KDM4B: variants seen among roughly 807,000 people sequenced by gnomAD.
KDM4B encodes the protein lysine demethylase 4B.
KDM4B carries 32 observed loss-of-function variants against 125.2 expected under a neutral mutation model. That is an observed-to-expected ratio of 0.26 (90% confidence interval 0.19 to 0.34). The LOEUF (loss-of-function observed/expected upper bound fraction) is 0.34. KDM4B is among the 10% of genes least tolerant of loss of function. The pLI is 1.00. For missense variants in KDM4B, 1,190 were observed against 1,577.7 expected (o/e 0.75, Z 4.16); for synonymous variants, 721 against 677.9 (o/e 1.06, Z -0.99).
intron 1 of KDM4B, among the ~76,000 whole-genome samples, chr19:4,999,099 T>A (rs2035290357): frequency 6.6e-6 from 1 of 152,188 alleles, no homozygotes; most frequent in African/African-American, 2.4e-5. Flanking sequence ...TCAGCAGACA[T>A]TGATTCTTGC....
At chr19:5,055,474 T>C (rs2037366826) in intron 6 of KDM4B, among the ~76,000 whole-genome samples, 2 of 152,254 alleles carry the variant, frequency 1.3e-5, no homozygotes, top group South Asian at 4.1e-4. Flanking sequence ...GGATGGTCGA[T>C]TGCCCTGTGT....
chr19:5,085,762 G>A (rs371080349), intron 9 of KDM4B, among the ~76,000 whole-genome samples: 1 of 152,228 alleles, frequency 6.6e-6, no homozygotes, highest in African/African-American at 2.4e-5. Flanking sequence ...AGTGTCATTA[G>A]CCACAAGGCC....
chr19:5,065,193 A>G (rs955666959), intron 6 of KDM4B, among the ~76,000 whole-genome samples: 3 of 152,176 alleles, frequency 2.0e-5, no homozygotes, highest in Admixed American at 6.5e-5. Context: ...CCACGCTTTC[A>G]TGGAGCCACA....
intron 22 of KDM4B, among the ~76,000 whole-genome samples, chr19:5,150,683 G>T (rs943065688): frequency 6.6e-6 from 1 of 152,160 alleles, no homozygotes; most frequent in African/African-American, 2.4e-5. Flanking sequence ...GTTAATGTGG[G>T]GAGGGAGGGT....
chr19:5,134,463 C>T (rs907219499), intron 14 of KDM4B, among the ~76,000 whole-genome samples: 1 of 152,156 alleles, frequency 6.6e-6, no homozygotes, highest in Non-Finnish European at 1.5e-5. Context: ...GAGCTGGGCA[C>T]CTGGCTAAGG....
intron 9 of KDM4B, among the ~76,000 whole-genome samples, chr19:5,110,212 T>A (rs377635076): frequency 6.6e-6 from 1 of 152,232 alleles, no homozygotes; most frequent in East Asian, 1.9e-4. Flanking sequence ...GGTGCACACC[T>A]GTAATCCCAG....
chr19:5,130,942 C>A, intron 11 of KDM4B, 134 bp from the exon 12 acceptor site: 2 of 658,782 alleles, frequency 3.0e-6, no homozygotes, highest in Non-Finnish European at 5.0e-6. Context: ...CTCTGCCCAC[C>A]CATGTTCGTG....
Position 5,138,083 on chromosome 19 carries a change from G to T in KDM4B, c.2550+13G>T. 6.2e-7 allele frequency: 1 copy of T among 1,600,858 alleles called. No homozygotes were observed. The highest frequency in any genetic ancestry group is 1.3e-5 in the African/African-American group (1 of 74,828). ...GCGGTGGAAGCTGGTAGGTCCTTGC[G>T]GTCGAGGCCCACCCTGCCCGTGCCT... On this transcript the variant is annotated intron_variant, in intron 18 of 22. Transcript: ENST00000159111.
At chr19:5,096,011 G>T (rs1415746249) in intron 9 of KDM4B, among the ~76,000 whole-genome samples, 3 of 152,214 alleles carry the variant, frequency 2.0e-5, no homozygotes, top group African/African-American at 7.2e-5. Flanking sequence ...CTTGTTTTAG[G>T]AGGAGGTCCT....
chr19:5,090,420 CT>C (rs2038662327), intron 9 of KDM4B, among the ~76,000 whole-genome samples: 1 of 84,178 alleles, frequency 1.2e-5, no homozygotes, highest in African/African-American at 5.1e-5. Context: ...CCCTCTCCCC[CT>C]CTGTCTCTCT....
intron 9 of KDM4B, among the ~76,000 whole-genome samples, chr19:5,091,947 T>G (rs1364999242): frequency 6.6e-6 from 1 of 152,230 alleles, no homozygotes; most frequent in African/African-American, 2.4e-5. Flanking sequence ...TCCCTTGCTC[T>G]TCCCAGATCT....
chr19:5,033,409 T>C (rs2036520761), intron 3 of KDM4B, among the ~76,000 whole-genome samples: 1 of 151,916 alleles, frequency 6.6e-6, no homozygotes, highest in Non-Finnish European at 1.5e-5. Context: ...GGCCTTACTT[T>C]CCTAGTAAAA....
At chr19:5,102,575 G>T (rs2038957538) in intron 9 of KDM4B, among the ~76,000 whole-genome samples, 1 of 152,184 alleles carries the variant, frequency 6.6e-6, no homozygotes, top group Non-Finnish European at 1.5e-5. Flanking sequence ...ATGGGGCCGG[G>T]GCCGGGGTGG....
At chr19:5,106,514 G>A (rs954937108) in intron 9 of KDM4B, among the ~76,000 whole-genome samples, 7 of 152,124 alleles carry the variant, frequency 4.6e-5, no homozygotes, top group African/African-American at 1.4e-4. Flanking sequence ...TGATGCTGAC[G>A]CACCCTCCTC....
intron 2 of KDM4B, among the ~76,000 whole-genome samples, chr19:5,030,951 C>G (rs1472123703): frequency 6.6e-6 from 1 of 152,260 alleles, no homozygotes; most frequent in Non-Finnish European, 1.5e-5. Flanking sequence ...TGACCGCGTT[C>G]TGCCACCCAG....
chr19:5,097,386 G>A (rs1352680356), intron 9 of KDM4B, among the ~76,000 whole-genome samples: 1 of 152,160 alleles, frequency 6.6e-6, no homozygotes, highest in Non-Finnish European at 1.5e-5. Context: ...GGGTAGCTGG[G>A]ACTACAGGTA....
At chr19:5,061,447 C>A (rs537565446) in intron 6 of KDM4B, among the ~76,000 whole-genome samples, 1 of 152,218 alleles carries the variant, frequency 6.6e-6, no homozygotes, top group Non-Finnish European at 1.5e-5. Context: ...AGCCACCCTG[C>A]TCCCTGGCAG....
At chr19:5,112,818 C>T (rs1163722388) in intron 10 of KDM4B, 1 of 152,498 alleles carries the variant, frequency 6.6e-6, no homozygotes, top group African/African-American at 2.4e-5. Flanking sequence ...TTTCCTGCCT[C>T]CTGTGTGCTC....
At position 5,024,425 on chromosome 19, in the gene KDM4B, G is replaced by A. The variant is rs140583563; in HGVS notation, c.-26+8086G>A. Among the ~76,000 whole-genome samples the A allele has an allele frequency of 6.9e-3, 1,045 of 152,252 alleles. 9 individuals are homozygous for A. Among genetic ancestry groups the A allele is most frequent in the African/African-American group, 0.024 (1,000 of 41,550 alleles). On this transcript the variant is annotated intron_variant, in intron 2 of 22. Coordinates refer to ENST00000159111, the MANE Select transcript of KDM4B (RefSeq NM_015015.3). ...GTATCCTTGGGCCCAGTGTGTCAGC[G>A]ATCAGGAGAGCAGCCCAGGCTGGAG...
Sources: allele counts gnomAD v4.1 joint callset (sites outside exome capture counted in the v4.1 genomes callset), GRCh38; gene constraint gnomAD v4.1.1; transcripts MANE v1.5; gene names NCBI Gene and HGNC (gene_info 2026-07-23, HGNC 2026-07-21).